Variants in NBEA observed in about 807,000 individuals in gnomAD.
NBEA encodes the protein neurobeachin.
NBEA carries 44 observed loss-of-function variants against 343.4 expected under a neutral mutation model. That is an observed-to-expected ratio of 0.13 (90% CI 0.10 to 0.16). NBEA has a LOEUF of 0.16. NBEA is among the 10% of genes least tolerant of loss of function. The probability of loss-of-function intolerance (pLI) is 1.00; values close to 1 mark genes in which losing one functional copy is unlikely to be tolerated. For missense variants in NBEA, 2,555 were observed against 3,631.3 expected (o/e 0.70, Z 7.62); for synonymous variants, 1,175 against 1,238.7 (o/e 0.95, Z 1.08).
chr13:35,573,240 C>T (rs1442443605), intron 45 of NBEA, among the ~76,000 whole-genome samples: 2 of 152,122 alleles, frequency 1.3e-5, no homozygotes, highest in Non-Finnish European at 2.9e-5. Context: ...TAAATTAATA[C>T]TTTTATTCAT....
intron 38 of NBEA, among the ~76,000 whole-genome samples, chr13:35,420,536 G>T (rs1046949285): frequency 6.6e-6 from 1 of 151,704 alleles, no homozygotes; most frequent in African/African-American, 2.4e-5. Flanking sequence ...AATAATTATT[G>T]AGAAATATTT....
chr13:35,101,690 A>G (rs906067190), intron 11 of NBEA, among the ~76,000 whole-genome samples: 5 of 151,764 alleles, frequency 3.3e-5, no homozygotes, highest in African/African-American at 1.2e-4. Context: ...AATAAAGTTG[A>G]ACATATATTT....
intron 36 of NBEA, among the ~76,000 whole-genome samples, chr13:35,324,661 G>A (rs896417049): frequency 6.6e-6 from 1 of 152,030 alleles, no homozygotes; most frequent in African/African-American, 2.4e-5. Context: ...CCTCATCTAC[G>A]AGTAACTCAT....
intron 36 of NBEA, among the ~76,000 whole-genome samples, chr13:35,336,689 TA>T (rs975716690): frequency 4.6e-5 from 7 of 151,722 alleles, no homozygotes; most frequent in Non-Finnish European, 8.8e-5. Context: ...TATGAAGCCT[TA>T]AAAAAAATGA....
chr13:35,043,947 C>A (rs983255183), intron 2 of NBEA, among the ~76,000 whole-genome samples: 15 of 151,892 alleles, frequency 9.9e-5, no homozygotes, highest in Non-Finnish European at 2.2e-4. Flanking sequence ...TAGTATGTTT[C>A]ATTCTTAAGA....
At chr13:35,095,932 G>A (rs1339953371) in intron 10 of NBEA, among the ~76,000 whole-genome samples, 3 of 151,858 alleles carry the variant, frequency 2.0e-5, no homozygotes, top group South Asian at 2.1e-4. Flanking sequence ...TTCTAGACAG[G>A]AAGTGGTATG....
Position 35,597,335 on chromosome 13 carries a change from G to A in NBEA, c.7296+3888G>A, listed in dbSNP as rs9593307. Reference sequence around the variant, plus strand: ...TTTGCCATTTCTTTAATAATATTTGGTGTTTTCCTGCACTGTTTTTCATTT... The same window carrying A: ...TTTGCCATTTCTTTAATAATATTTGATGTTTTCCTGCACTGTTTTTCATTT... On this transcript the variant is annotated intron_variant, in intron 47 of 58. Coordinates refer to ENST00000379939, the MANE Select transcript of NBEA (RefSeq NM_001385012.1). Among the ~76,000 whole-genome samples the A allele has an allele frequency of 1.9e-3, 294 of 152,118 alleles. 1 individual carries two copies. The highest frequency in any genetic ancestry group is 7.0e-3 in the African/African-American group (289 of 41,476).
chr13:35,501,275 A>G (rs767977618), intron 41 of NBEA, among the ~76,000 whole-genome samples: 1 of 152,122 alleles, frequency 6.6e-6, no homozygotes, highest in Non-Finnish European at 1.5e-5. Flanking sequence ...TCAGAAGCAC[A>G]TTTTTACTGC....
chr13:35,070,383 A>G (rs2063819231), intron 9 of NBEA, among the ~76,000 whole-genome samples: 1 of 152,120 alleles, frequency 6.6e-6, no homozygotes, highest in South Asian at 2.1e-4. Context: ...TGTTAGATAT[A>G]AAAACATACT....
intron 36 of NBEA, among the ~76,000 whole-genome samples, chr13:35,322,295 C>T (rs1394426315): frequency 2.0e-5 from 3 of 152,268 alleles, no homozygotes; most frequent in South Asian, 4.1e-4. Flanking sequence ...GTATCTGGGC[C>T]GGAGTCCACC....
chr13:35,665,287 C>T (rs2153087014), intron 56 of NBEA, 101 bp downstream of exon 56: 2 of 883,816 alleles, frequency 2.3e-6, no homozygotes. Context: ...TTCCCATAGA[C>T]AAATGGTATC....
chr13:35,277,575 C>T (rs1056597951), intron 34 of NBEA, among the ~76,000 whole-genome samples: 16 of 130,386 alleles, frequency 1.2e-4, no homozygotes, highest in African/African-American at 4.3e-4. Context: ...CAGCTGAGAT[C>T]GCACCATTGC....
At position 35,595,350 on chromosome 13, in the gene NBEA, T is replaced by TC. The variant is rs200463639; in HGVS notation, c.7296+1907dup. 5.7e-4 allele frequency among the ~76,000 whole-genome samples: 86 copies of TC among 152,094 alleles called. 1 individual carries two copies. In the East Asian group the frequency reaches 0.014, roughly 25 times the overall value. On this transcript the variant is annotated intron_variant, in intron 47 of 58. Coordinates refer to ENST00000379939, the MANE Select transcript of NBEA (RefSeq NM_001385012.1). ...GAACACAAACATGCAGCTTTTTTTT[T>TC]CCCCAAAGACTTAATTAGTTCATAA...
At chr13:35,245,669 T>G (rs139242440) in intron 34 of NBEA, among the ~76,000 whole-genome samples, 7 of 152,262 alleles carry the variant, frequency 4.6e-5, no homozygotes, top group African/African-American at 1.7e-4. Flanking sequence ...TAATCTGATA[T>G]GTTTTCCTTT....
intron 24 of NBEA, among the ~76,000 whole-genome samples, chr13:35,164,714 A>G (rs1436554232): frequency 6.6e-6 from 1 of 152,074 alleles, no homozygotes; most frequent in East Asian, 1.9e-4. Flanking sequence ...TTCTCTGGTA[A>G]TTCTGATGAA....
At chr13:35,322,720 T>A (rs913058421) in intron 36 of NBEA, among the ~76,000 whole-genome samples, 1 of 152,222 alleles carries the variant, frequency 6.6e-6, no homozygotes, top group African/African-American at 2.4e-5. Context: ...TTCTTATTTA[T>A]ACATATAACC....
intron 38 of NBEA, among the ~76,000 whole-genome samples, chr13:35,401,772 A>G (rs2043012338): frequency 1.3e-5 from 2 of 151,890 alleles, no homozygotes; most frequent in African/African-American, 2.4e-5. Context: ...TTCATTATTT[A>G]TATTTAGAAT....
chr13:35,541,288 C>T (rs1232432641), intron 41 of NBEA, among the ~76,000 whole-genome samples: 1 of 151,626 alleles, frequency 6.6e-6, no homozygotes, highest in African/African-American at 2.4e-5. Flanking sequence ...CTGCCTTTTC[C>T]CATTATTTGT....
chr13:35,345,052 C>T (rs148936388), intron 36 of NBEA, among the ~76,000 whole-genome samples: 48 of 152,082 alleles, frequency 3.2e-4, no homozygotes, highest in African/African-American at 1.1e-3. Context: ...AACTGGAAGA[C>T]GGTGATGAGG....
Sources: allele counts gnomAD v4.1 joint callset (sites outside exome capture counted in the v4.1 genomes callset), GRCh38; gene constraint gnomAD v4.1.1; transcripts MANE v1.5; gene names NCBI Gene and HGNC (gene_info 2026-07-23, HGNC 2026-07-21).